RANBP2: variants seen among roughly 807,000 people sequenced by gnomAD.
RANBP2 encodes the protein RAN binding protein 2.
Under a neutral mutation model 303.6 loss-of-function variants are expected in RANBP2, and 57 were observed. That is an observed-to-expected ratio of 0.19 (90% CI 0.15 to 0.23). The LOEUF is 0.23. Among genes scored for constraint, RANBP2 ranks in the 10% least tolerant of loss-of-function variants. RANBP2 has a pLI of 1.00. For missense variants in RANBP2, 3,138 were observed against 3,780.8 expected (o/e 0.83, Z 4.46); for synonymous variants, 1,167 against 1,301.5 (o/e 0.90, Z 2.23).
the RANBP2 span, among the ~76,000 whole-genome samples, chr2:109,353,888 C>A: frequency 6.6e-6 from 1 of 152,206 alleles, no homozygotes; most frequent in Admixed American, 6.5e-5. Flanking sequence ...AGCCCTCAGA[C>A]CCCCTGAGGG....
At chr2:109,728,144 A>G in the RANBP2 span, among the ~76,000 whole-genome samples, 1 of 152,126 alleles carries the variant, frequency 6.6e-6, no homozygotes, top group Non-Finnish European at 1.5e-5. Context: ...TCGCATGGAG[A>G]AAAAATAAGG....
At chr2:108,739,887 C>G (rs536300954) in intron 6 of RANBP2, among the ~76,000 whole-genome samples, 1 of 152,038 alleles carries the variant, frequency 6.6e-6, no homozygotes, top group South Asian at 2.1e-4. Flanking sequence ...ACTCAGAAGG[C>G]TGAGTCAGGA....
the RANBP2 span, among the ~76,000 whole-genome samples, chr2:109,656,083 C>T: frequency 1.3e-5 from 2 of 152,178 alleles, no homozygotes; most frequent in East Asian, 3.9e-4. Flanking sequence ...CCCCTCTCTT[C>T]CCTGCCTCAG....
chr2:109,002,195 T>C, the RANBP2 span, among the ~76,000 whole-genome samples: 1 of 152,186 alleles, frequency 6.6e-6, no homozygotes, highest in East Asian at 1.9e-4. Flanking sequence ...GGCCGACCAA[T>C]GCAGGAGGCC....
the RANBP2 span, among the ~76,000 whole-genome samples, chr2:108,906,894 C>T: frequency 5.6e-3 from 858 of 152,360 alleles, 9 homozygotes; most frequent in African/African-American, 0.02. Flanking sequence ...GAACTCGGGG[C>T]AGGCAGAGCT....
the RANBP2 span, chr2:108,846,676 C>CA: frequency 4.2e-4 from 588 of 1,413,968 alleles, no homozygotes; most frequent in Non-Finnish European, 4.7e-4. Context: ...GACTGTGTCT[C>CA]AAAAAAAAAG....
At chr2:109,413,116 T>TTA in the RANBP2 span, among the ~76,000 whole-genome samples, 42 of 152,288 alleles carry the variant, frequency 2.8e-4, no homozygotes, top group Non-Finnish European at 3.7e-4. Context: ...TATCATTATT[T>TTA]TATATATATA....
At chr2:109,006,443 C>T in the RANBP2 span, among the ~76,000 whole-genome samples, 3 of 152,156 alleles carry the variant, frequency 2.0e-5, no homozygotes, top group African/African-American at 7.2e-5. Flanking sequence ...ATCCGCCCGC[C>T]TCGGCCTCCC....
At chr2:108,931,123 G>A in the RANBP2 span, 3 of 1,031,408 alleles carry the variant, frequency 2.9e-6, no homozygotes, top group Non-Finnish European at 4.6e-6. Context: ...GATATAAGGT[G>A]CCTTCCAGCA....
At chr2:109,264,951 G>A in the RANBP2 span, among the ~76,000 whole-genome samples, 1 of 152,286 alleles carries the variant, frequency 6.6e-6, no homozygotes, top group Admixed American at 6.5e-5. Flanking sequence ...GATTTTGTGG[G>A]TGGCAGGGGG....
At chr2:109,262,851 G>A in the RANBP2 span, among the ~76,000 whole-genome samples, 1 of 150,108 alleles carries the variant, frequency 6.7e-6, no homozygotes, top group African/African-American at 2.5e-5. Context: ...TTATTTTTTT[G>A]AGACAGAGTC....
chr2:109,586,283 C>T, the RANBP2 span, among the ~76,000 whole-genome samples: 3 of 152,148 alleles, frequency 2.0e-5, no homozygotes, highest in African/African-American at 7.2e-5. Flanking sequence ...AACTTACCTG[C>T]CTACTGGTAA....
At chr2:108,786,895 G>C (rs139856707), downstream of RANBP2, 3 of 1,554,168 alleles carry the variant, frequency 1.9e-6, no homozygotes, top group Non-Finnish European at 2.6e-6. Flanking sequence ...CTACGGACTC[G>C]GGGGCAGCTG....
the RANBP2 span, among the ~76,000 whole-genome samples, chr2:109,245,383 CT>C: frequency 4.6e-5 from 7 of 152,210 alleles, no homozygotes; most frequent in East Asian, 1.2e-3. Context: ...CCTCTTGGTG[CT>C]TTCATGTAAT....
chr2:109,763,001 G>A, the RANBP2 span, among the ~76,000 whole-genome samples: 1 of 147,074 alleles, frequency 6.8e-6, no homozygotes, highest in Non-Finnish European at 1.5e-5. Flanking sequence ...TAAGTTTATG[G>A]TTACTTTTAA....
the RANBP2 span, among the ~76,000 whole-genome samples, chr2:109,322,606 T>A: frequency 6.6e-5 from 10 of 152,382 alleles, no homozygotes; most frequent in Non-Finnish European, 1.5e-4. Context: ...TGAATAAATC[T>A]GCAGTAGTCG....
Position 108,765,956 on chromosome 2 carries a change from C to G in RANBP2, c.5417C>G (p.Ala1806Gly). ...SSSLKCVACD[A>G]SKPTHKPIAE... ...TCCTTAAAATGTGTGGCTTGTGATG[C>G]CTCTAAACCAACTCATAAACCTATT... Residue 1806 changes from alanine to glycine, a missense_variant, in exon 20 of 29, where the codon GCC becomes GGC. Ala to Gly is a moderately conservative substitution (Grantham distance 60, BLOSUM62 0). Around this residue, in one of 20 missense-constraint regions of RANBP2, gnomAD observed 348 missense variants for 360.4 expected, o/e 0.97. Coordinates refer to ENST00000283195, the MANE Select transcript of RANBP2 (RefSeq NM_006267.5). 2 of 1,614,128 alleles carry G rather than the reference C, an allele frequency of 1.2e-6. No individual in the cohort carries two copies.
the RANBP2 span, among the ~76,000 whole-genome samples, chr2:108,818,230 T>C: frequency 6.6e-6 from 1 of 151,846 alleles, no homozygotes; most frequent in Admixed American, 6.6e-5. Context: ...CACCTGAACC[T>C]GGGGGGGTCG....
At chr2:109,186,997 C>T in the RANBP2 span, among the ~76,000 whole-genome samples, 3 of 152,096 alleles carry the variant, frequency 2.0e-5, no homozygotes, top group Non-Finnish European at 2.9e-5. Flanking sequence ...TTGCTCGTCT[C>T]CCAGAGGCGG....
Sources: gnomAD v4.1 joint callset for allele counts (sites outside exome capture counted in the v4.1 genomes callset) on GRCh38, gnomAD v4.1.1 for gene constraint, gnomAD v4.1.1 regional missense constraint, MANE v1.5 for transcripts, NCBI Gene and HGNC (gene_info 2026-07-23, HGNC 2026-07-21) for gene names.